Variants in PCDHGB5 observed in about 807,000 individuals in gnomAD.
PCDHGB5 encodes the protein protocadherin gamma-B5.
A neutral mutation model predicts 62.9 loss-of-function variants in PCDHGB5; 48 were observed. That is an observed-to-expected ratio of 0.76 (90% CI 0.61 to 0.97). The LOEUF is 0.97. Among genes scored for constraint, PCDHGB5 ranks in the 50% least tolerant of loss-of-function variants. PCDHGB5 has a pLI of 0.00. For missense variants in PCDHGB5, 1,118 were observed against 1,198.6 expected (o/e 0.93, Z 0.99); for synonymous variants, 474 against 511.2 (o/e 0.93, Z 0.98).
At chr5:141,505,993 T>TGCGA (rs2099849805) in intron 3 of PCDHGB5, among the ~76,000 whole-genome samples, 1 of 152,188 alleles carries the variant, frequency 6.6e-6, no homozygotes, top group African/African-American at 2.4e-5. Context: ...CTCCTCTTTA[T>TGCGA]GCGAGGCTCC....
rs530001704 is a variant in PCDHGB5, at chr5:141,434,708, ATC to A, written c.2397+34188_2397+34189del. 3.9e-3 allele frequency among the ~76,000 whole-genome samples: 589 copies of A among 152,052 alleles called. 6 individuals are homozygous for A. The highest frequency in any genetic ancestry group is 0.011 in the Admixed American group (170 of 15,250). ...TTGCTGTTAATAAATATGTGGGTAA[ATC>A]TCTGTTCAGGGCTCTCAGCTCTGAA... On this transcript the variant is annotated intron_variant, in intron 1 of 3. Coordinates refer to ENST00000617380, the MANE Select transcript of PCDHGB5 (RefSeq NM_018925.3).
intron 1 of PCDHGB5, among the ~76,000 whole-genome samples, chr5:141,438,591 CAT>C (rs946798767): frequency 2.9e-3 from 219 of 75,538 alleles, no homozygotes; most frequent in Middle Eastern, 0.016. Context: ...TACATACATA[CAT>C]ATATATATAT....
intron 1 of PCDHGB5, 139 bp downstream of exon 1, chr5:141,400,663 A>T: frequency 4.0e-6 from 4 of 995,312 alleles, no homozygotes; most frequent in Non-Finnish European, 6.0e-6. Flanking sequence ...ACCATTCTTT[A>T]AGAGGAGCAG....
At position 141,485,379 on chromosome 5, in the gene PCDHGB5, A is replaced by G. The variant is rs749607481; in HGVS notation, c.2398-9428A>G. 12 of 1,613,934 alleles carry G rather than the reference A, an allele frequency of 7.4e-6. No homozygotes were observed. In the Admixed American group the frequency reaches 1.8e-4, roughly 25 times the overall value. The stretch of plus-strand genomic sequence containing the variant: ...GCTCGCAGGCTGCAGGTCGCTGGAG[A>G]GGTGAACCAAAGACACTTCCGTGTG... On this transcript the variant is annotated intron_variant, in intron 1 of 3. Coordinates refer to ENST00000617380, the MANE Select transcript of PCDHGB5 (RefSeq NM_018925.3). This position sits in a 1 kb window ranked among gnomAD's most constrained non-coding sequence, Gnocchi z 5.7.
intron 2 of PCDHGB5, among the ~76,000 whole-genome samples, chr5:141,504,750 A>C (rs921495017): frequency 6.6e-6 from 1 of 151,894 alleles, no homozygotes; most frequent in Admixed American, 6.5e-5. Context: ...ATTGAATTTT[A>C]GAAATTTCTT....
At chr5:141,510,579 C>T (rs2099881748) in intron 3 of PCDHGB5, among the ~76,000 whole-genome samples, 1 of 152,170 alleles carries the variant, frequency 6.6e-6, no homozygotes, top group Non-Finnish European at 1.5e-5. Flanking sequence ...CACTATTTTA[C>T]GTACCTGACA....
intron 1 of PCDHGB5, among the ~76,000 whole-genome samples, chr5:141,462,029 G>A (rs535977332): frequency 6.6e-6 from 1 of 152,260 alleles, no homozygotes; most frequent in East Asian, 1.9e-4. Context: ...CTTCATGTTG[G>A]TCAGGCGGGT....
chr5:141,415,112 T>G, intron 1 of PCDHGB5: 1 of 1,613,626 alleles, frequency 6.2e-7, no homozygotes, highest in Non-Finnish European at 8.5e-7. Flanking sequence ...AAGCAAAGCC[T>G]CGTAGTGGCC....
chr5:141,431,537 C>A lies in PCDHGB5; in HGVS notation c.2397+31013C>A, dbSNP rs2097391571. On this transcript the variant is annotated intron_variant, in intron 1 of 3. Transcript: ENST00000617380. This position sits in a 1 kb window ranked among gnomAD's most constrained non-coding sequence, Gnocchi z 4.8. ...TCCGGAGAATCTGGCCTTGGGCACG[C>A]AGCTGCTTGTAGTCAACGCTACCGA... 6.2e-7 allele frequency: 1 copy of A among 1,614,102 alleles called. No individual in the cohort carries two copies. The highest frequency in any genetic ancestry group is 1.3e-5 in the African/African-American group (1 of 75,072).
Position 141,404,638 on chromosome 5 carries a change from C to T in PCDHGB5, c.2397+4114C>T, listed in dbSNP as rs776247476. On this transcript the variant is annotated intron_variant, in intron 1 of 3. Coordinates refer to ENST00000617380, the MANE Select transcript of PCDHGB5 (RefSeq NM_018925.3). Reference sequence around the variant, plus strand: ...ACCAGAATGACAATGCCCCAGAAATCCTGTACCCTGCCCTCCCCACTGATG... The same window carrying T: ...ACCAGAATGACAATGCCCCAGAAATTCTGTACCCTGCCCTCCCCACTGATG... 5 of 1,614,194 alleles carry T rather than the reference C, an allele frequency of 3.1e-6. No homozygotes were observed. In the South Asian group the frequency reaches 5.5e-5, roughly 18 times the overall value.
Position 141,476,641 on chromosome 5 carries a change from C to A in PCDHGB5, c.2398-18166C>A, listed in dbSNP as rs1183948220. The A allele has an allele frequency of 1.2e-6, 2 of 1,614,256 alleles. No homozygotes were observed. The highest frequency in any genetic ancestry group is 1.7e-5 in the Admixed American group (1 of 60,030). On this transcript the variant is annotated intron_variant, in intron 1 of 3. Transcript: ENST00000617380. This position sits in a 1 kb window ranked among gnomAD's most constrained non-coding sequence, Gnocchi z 7.6. ...ACTCTTTACAAACCTATGAGCTGAG[C>A]CGAAATGAATACTTTGCGCTTCGCG... is the stretch of plus-strand genomic sequence containing the variant.
At chr5:141,405,448 C>G in intron 1 of PCDHGB5, 1 of 1,314,742 alleles carries the variant, frequency 7.6e-7, no homozygotes, top group Non-Finnish European at 1.1e-6. Context: ...GAGACAGAGT[C>G]TTACTCTGTT....
chr5:141,405,401 TC>T (rs1176566209), intron 1 of PCDHGB5: 1 of 1,591,534 alleles, frequency 6.3e-7, no homozygotes, highest in Non-Finnish European at 8.6e-7. Flanking sequence ...TTTCTTTCTT[TC>T]TTTTCTTTTT....
chr5:141,398,890 G>A lies in PCDHGB5; in HGVS notation c.763G>A (p.Val255Met), dbSNP rs763743728. Residue 255 changes from valine to methionine, a missense_variant, in exon 1 of 4, where the codon GTG (valine) becomes ATG (methionine). Transcript: ENST00000617380. Reference protein sequence around the residue: ...DVYRVSLRENVPPGTTVLQVS... With the variant: ...DVYRVSLRENMPPGTTVLQVS... Reference sequence around the variant, plus strand: ...GTACAGAGTCAGCCTTCGGGAAAACGTGCCACCAGGCACCACTGTGTTGCA... The same window carrying A: ...GTACAGAGTCAGCCTTCGGGAAAACATGCCACCAGGCACCACTGTGTTGCA... The A allele has an allele frequency of 6.2e-7, 1 of 1,613,920 alleles. No homozygotes were observed. Among genetic ancestry groups the A allele is most frequent in the East Asian group, 2.2e-5 (1 of 44,870 alleles).
chr5:141,507,862 G>T (rs17286954), intron 3 of PCDHGB5, among the ~76,000 whole-genome samples: 20,426 of 152,154 alleles, frequency 0.13, 1,374 homozygotes, highest in Admixed American at 0.16. Context: ...TTTCACACCC[G>T]CTTCCTAGCC....
chr5:141,480,694 G>A (rs1446014656), intron 1 of PCDHGB5, among the ~76,000 whole-genome samples: 1 of 152,128 alleles, frequency 6.6e-6, no homozygotes, highest in Non-Finnish European at 1.5e-5. Flanking sequence ...TGAAACCCAG[G>A]CCACACCCCG....
chr5:141,486,409 C>G lies in PCDHGB5; in HGVS notation c.2398-8398C>G, dbSNP rs1396288134. On this transcript the variant is annotated intron_variant, in intron 1 of 3. Coordinates refer to ENST00000617380, the MANE Select transcript of PCDHGB5 (RefSeq NM_018925.3). The surrounding 1 kb of genome is among the most constrained non-coding windows in gnomAD (Gnocchi z 5.0). Reference sequence around the variant, plus strand: ...AGTTCTCCCTGGTGACTGCTGGACCCTTGGATCGAGAGGCCAAATCTAGCT... The same window carrying G: ...AGTTCTCCCTGGTGACTGCTGGACCGTTGGATCGAGAGGCCAAATCTAGCT... 6.2e-7 allele frequency: 1 copy of G among 1,614,170 alleles called. No individual in the cohort carries two copies. Among genetic ancestry groups the G allele is most frequent in the East Asian group, 2.2e-5 (1 of 44,874 alleles).
chr5:141,490,998 C>T lies in PCDHGB5; in HGVS notation c.2398-3809C>T, dbSNP rs1284919124. 5 of 1,614,014 alleles carry T rather than the reference C, an allele frequency of 3.1e-6. No homozygotes were observed. The highest frequency in any genetic ancestry group is 1.7e-5 in the Admixed American group (1 of 60,016). On this transcript the variant is annotated intron_variant, in intron 1 of 3. Coordinates refer to ENST00000617380, the MANE Select transcript of PCDHGB5 (RefSeq NM_018925.3). The surrounding 1 kb of genome is among the most constrained non-coding windows in gnomAD (Gnocchi z 5.4). Reference sequence around the variant, plus strand: ...GTCTCCCTCGCTCTGCTCCTCCTGGCTCCTTGGTCACCAAGGTGACAGCCG... The same window carrying T: ...GTCTCCCTCGCTCTGCTCCTCCTGGTTCCTTGGTCACCAAGGTGACAGCCG...
intron 1 of PCDHGB5, chr5:141,409,705 G>A (rs747252229): frequency 6.2e-6 from 10 of 1,613,134 alleles, no homozygotes; most frequent in Non-Finnish European, 7.6e-6. Flanking sequence ...CCCTGGCGGT[G>A]TCGTCATACG....
Sources: gnomAD v4.1 joint callset for allele counts (sites outside exome capture counted in the v4.1 genomes callset) on GRCh38, gnomAD v4.1.1 for gene constraint, Gnocchi (gnomAD v3.1) non-coding constraint, MANE v1.5 for transcripts, NCBI Gene and HGNC (gene_info 2026-07-23, HGNC 2026-07-21) for gene names.